Variants in CD8B2 observed in about 807,000 individuals in gnomAD.
CD8B2 encodes the protein CD8B family member 2, also known as T-cell surface glycoprotein CD8 beta-2 chain.
In CD8B2, 11 loss-of-function variants were observed where a neutral mutation model predicts 23.7. The ratio of observed to expected loss-of-function variants is 0.46; its 90% CI spans 0.29 to 0.77. The LOEUF (loss-of-function observed/expected upper bound fraction) is 0.77, where lower values mean the gene tolerates loss of function less well. Ranked by LOEUF, CD8B2 falls within the 30% of genes least tolerant of loss-of-function variation. The pLI is 0.09. For synonymous variants in CD8B2, 90 were observed against 109.3 expected (o/e 0.82, Z 1.10); for missense variants, 197 against 270.5 (o/e 0.73, Z 1.91).
At position 106,533,885 on chromosome 2, in the gene CD8B2, G is replaced by A. The variant is rs573534305; in HGVS notation, c.621-10107G>A. Among the ~76,000 whole-genome samples the A allele has an allele frequency of 4.4e-4, 67 of 152,278 alleles. 1 individual carries two copies. Among genetic ancestry groups the A allele is most frequent in the Admixed American group, 3.9e-3 (60 of 15,298 alleles). ...AGCACTGGGAAGTTTGCCACAGGTG[G>A]ACATTGGGCACCTGACCCTGATATG... On this transcript the variant is annotated intron_variant, in intron 5 of 5. Transcript: ENST00000416057.
At chr2:106,512,831 C>A (rs892268755), downstream of CD8B2, among the ~76,000 whole-genome samples, 1 of 152,086 alleles carries the variant, frequency 6.6e-6, no homozygotes. Context: ...ACTAGGGGTG[C>A]GGCATGGCCA....
rs1206005331 is a variant in CD8B2, at chr2:106,491,042, C to A, written c.212C>A (p.Thr71Asn). ...AGTGATAGTCACCACGAGTTCCTGA[C>A]CCTCTGGGATTCCGCAAAAGGGACT... ...PSSDSHHEFL[T>N]LWDSAKGTIH... The change falls in exon 2 of 6, where the codon ACC (threonine) becomes AAC (asparagine). Residue 71 changes from threonine (T) to asparagine (N), a missense_variant. Around this residue, in one of 3 missense-constraint regions of CD8B2, gnomAD observed 140 missense variants for 164.2 expected, o/e 0.85. Transcript: ENST00000643224. The A allele has an allele frequency of 1.2e-6, 2 of 1,613,986 alleles. No homozygotes were observed. Among genetic ancestry groups the A allele is most frequent in the Non-Finnish European group, 1.7e-6 (2 of 1,179,850 alleles).
chr2:106,512,642 G>A (rs1384333029), downstream of CD8B2, among the ~76,000 whole-genome samples: 4 of 150,536 alleles, frequency 2.7e-5, no homozygotes, highest in East Asian at 4.0e-4. Context: ...ATGAGGTCTC[G>A]CTATGTTGCC....
intron 1 of CD8B2, among the ~76,000 whole-genome samples, chr2:106,488,487 C>T (rs1350321513): frequency 6.6e-6 from 1 of 152,080 alleles, no homozygotes; most frequent in Non-Finnish European, 1.5e-5. Context: ...GAAATGCACA[C>T]TCACAGCCCA....
Position 106,509,205 on chromosome 2 carries a change from ACTCCTGCCT to A in CD8B2, c.*2267_*2275del, listed in dbSNP as rs911007212. ...TAGATTCCCTGGCCCCAGACCCTAG[ACTCCTGCCT>A]CAGCAAGAGTTGTTCAAAAGAAACA... On this transcript the variant is annotated 3_prime_UTR_variant, in exon 6 of 6. Coordinates refer to ENST00000643224, the MANE Select transcript of CD8B2 (RefSeq NM_001349727.2). 3 of 152,072 alleles carry A rather than the reference ACTCCTGCCT, an allele frequency of 2.0e-5. No homozygotes were observed. Among genetic ancestry groups the A allele is most frequent in the African/African-American group, 7.3e-5 (3 of 41,362 alleles). The allele number at this position is 152,072 out of a possible 1,614,324, so 9.4% of individuals were successfully genotyped here. A position where few individuals can be genotyped will look rare whatever the true frequency, so the allele number is the denominator to read the frequency against.
At chr2:106,503,140 C>T (rs1218693666) in intron 4 of CD8B2, among the ~76,000 whole-genome samples, 1 of 151,308 alleles carries the variant, frequency 6.6e-6, no homozygotes, top group Non-Finnish European at 1.5e-5. Context: ...GCACTGGGTT[C>T]ACAAGAAAGA....
chr2:106,506,888 C>G, intron 5 of CD8B2, 40 bp from the exon 6 acceptor site: 1 of 1,591,226 alleles, frequency 6.3e-7, no homozygotes, highest in African/African-American at 1.3e-5. Context: ...ATATCGTTTG[C>G]CTGAAAATAA....
intron 5 of CD8B2, among the ~76,000 whole-genome samples, chr2:106,534,270 A>C (rs1414748256): frequency 1.3e-5 from 2 of 152,192 alleles, no homozygotes; most frequent in Non-Finnish European, 2.9e-5. Flanking sequence ...AAAAGCAAGG[A>C]AGAGGCGGGG....
chr2:106,537,074 A>G (rs541615982), intron 5 of CD8B2, among the ~76,000 whole-genome samples: 2 of 152,068 alleles, frequency 1.3e-5, no homozygotes, highest in East Asian at 1.9e-4. Flanking sequence ...TCCAACTCCA[A>G]ATCTGGTCTT....
chr2:106,517,703 TTTTTTTTG>T (rs980021653), intron 5 of CD8B2, among the ~76,000 whole-genome samples: 9 of 136,078 alleles, frequency 6.6e-5, no homozygotes, highest in African/African-American at 2.5e-4. Context: ...AGCTTCTGTT[TTTTTTTTG>T]TTTTTTTGTT....
At chr2:106,506,361 G>T (rs58433937) in intron 5 of CD8B2, among the ~76,000 whole-genome samples, 1 of 151,966 alleles carries the variant, frequency 6.6e-6, no homozygotes, top group Non-Finnish European at 1.5e-5. Context: ...GGGTGGTCGT[G>T]GGGGGACCCT....
chr2:106,491,657 C>T (rs1164515007), intron 2 of CD8B2, among the ~76,000 whole-genome samples: 1 of 152,108 alleles, frequency 6.6e-6, no homozygotes, highest in Non-Finnish European at 1.5e-5. Context: ...AAGTGATTCT[C>T]CTGCCTCAGC....
At position 106,496,155 on chromosome 2, in the gene CD8B2, C is replaced by G. The variant is rs535584104; in HGVS notation, c.404-18C>G. 2.8e-4 allele frequency: 426 copies of G among 1,544,036 alleles called. 2 individuals are homozygous for G. In the African/African-American group the frequency reaches 5.3e-3, roughly 19 times the overall value. ...GTGTTCACTTGGCTAAGATATGTGT[C>G]TTGCTTTCTTTCTGTAGTTGATTTC... On this transcript the variant is annotated intron_variant, in intron 2 of 5. Coordinates refer to ENST00000643224, the MANE Select transcript of CD8B2 (RefSeq NM_001349727.2).
intron 3 of CD8B2, among the ~76,000 whole-genome samples, chr2:106,499,691 T>G (rs1158717214): frequency 6.6e-6 from 1 of 151,924 alleles, no homozygotes; most frequent in Non-Finnish European, 1.5e-5. Flanking sequence ...CCCAGTAAGA[T>G]TCCCTGTGCT....
chr2:106,510,477 C>T lies in CD8B2; in HGVS notation c.*3537C>T, dbSNP rs1459413781. The T allele has an allele frequency of 6.6e-6, 1 of 152,118 alleles. No individual in the cohort carries two copies. Among genetic ancestry groups the T allele is most frequent in the South Asian group, 2.1e-4 (1 of 4,824 alleles). The allele number at this position is 152,118 out of a possible 1,614,324, so 9.4% of individuals were successfully genotyped here. ...GGGATTACAGCTCATGCCTGTAATC[C>T]CAGTACTTTGGGAGGCCCACACAGA... is the stretch of plus-strand genomic sequence containing the variant. On this transcript the variant is annotated 3_prime_UTR_variant, in exon 6 of 6. Transcript: ENST00000643224.
intron 3 of CD8B2, among the ~76,000 whole-genome samples, chr2:106,497,900 TGGA>T (rs767261463): frequency 5.9e-5 from 9 of 152,138 alleles, no homozygotes; most frequent in Admixed American, 1.3e-4. Context: ...GCTATGGCTG[TGGA>T]GAACCCAGCA....
chr2:106,532,528 A>T (rs185750515), intron 5 of CD8B2, among the ~76,000 whole-genome samples: 33 of 152,360 alleles, frequency 2.2e-4, no homozygotes, highest in African/African-American at 7.2e-4. Flanking sequence ...GCTGCTCCAT[A>T]GGCAGAGTAG....
intron 5 of CD8B2, chr2:106,522,230 A>G (rs1337572044): frequency 2.0e-5 from 3 of 152,152 alleles, no homozygotes; most frequent in African/African-American, 7.2e-5. Context: ...TCCTCTACAC[A>G]GGGCTAAAAA....
At chr2:106,517,696 TTC>T (rs921686101) in intron 5 of CD8B2, among the ~76,000 whole-genome samples, 3 of 144,304 alleles carry the variant, frequency 2.1e-5, no homozygotes, top group African/African-American at 7.9e-5. Context: ...TGTTTATAGC[TTC>T]TGTTTTTTTT....
Sources: allele counts gnomAD v4.1 joint callset (sites outside exome capture counted in the v4.1 genomes callset), GRCh38; gene constraint gnomAD v4.1.1; regional missense constraint gnomAD v4.1.1; transcripts MANE v1.5; gene names NCBI Gene and HGNC (gene_info 2026-07-23, HGNC 2026-07-21).